Variants in DTNA observed in about 807,000 individuals in gnomAD.
The protein encoded by DTNA is dystrobrevin alpha.
DTNA carries 43 observed loss-of-function variants against 100.7 expected under a neutral mutation model. The observed-to-expected ratio is 0.43, with a 90% confidence interval of 0.33 to 0.55. The LOEUF (loss-of-function observed/expected upper bound fraction) is 0.55, where lower values mean the gene tolerates loss of function less well. DTNA is among the 20% of genes least tolerant of loss of function. The probability of loss-of-function intolerance (pLI) is 0.04; values close to 1 mark genes in which losing one functional copy is unlikely to be tolerated. For missense variants in DTNA, 798 were observed against 953.9 expected, an observed-to-expected ratio of 0.84 and a Z score of 2.15; for synonymous variants, 349 against 347.9, an observed-to-expected ratio of 1.00 and a Z score of -0.04.
At chr18:34,809,680 G>A (rs554189334) in intron 5 of DTNA, among the ~76,000 whole-genome samples, 1 of 152,254 alleles carries the variant, frequency 6.6e-6, no homozygotes, top group East Asian at 1.9e-4. Flanking sequence ...TATTTAGCTC[G>A]TTCCAGCTAC....
chr18:34,771,872 C>T lies in DTNA; in HGVS notation c.148+5831C>T, dbSNP rs111372647. Among the ~76,000 whole-genome samples, 1,130 of 152,068 alleles carry T rather than the reference C, an allele frequency of 7.4e-3. 11 individuals are homozygous for T. Among genetic ancestry groups the T allele is most frequent in the African/African-American group, 0.026 (1,078 of 41,504 alleles). ...GCATCATCTCAGCCTTTATTTTAGACAAATAGCTGTTTCTACCATAACATT... is the reference window on the plus strand; with the variant it reads ...GCATCATCTCAGCCTTTATTTTAGATAAATAGCTGTTTCTACCATAACATT... On this transcript the variant is annotated intron_variant, in intron 3 of 22. Transcript: ENST00000444659.
intron 5 of DTNA, among the ~76,000 whole-genome samples, chr18:34,808,679 G>A (rs115768761): frequency 0.12 from 18,691 of 151,930 alleles, 1,224 homozygotes; most frequent in African/African-American, 0.17. Context: ...TTCTCTCTTG[G>A]GCCCAGGAGT....
chr18:34,512,346 A>G (rs2439858), intron 1 of DTNA, among the ~76,000 whole-genome samples: 124,963 of 151,834 alleles, frequency 0.82, 52,568 homozygotes, highest in East Asian at 0.93. Flanking sequence ...ATCTCAGAAC[A>G]GCAGGTACAC....
At chr18:34,783,033 A>G (rs1038459062) in intron 3 of DTNA, among the ~76,000 whole-genome samples, 19 of 152,202 alleles carry the variant, frequency 1.2e-4, no homozygotes, top group African/African-American at 4.6e-4. Context: ...GAAATAAGAT[A>G]CAAGATTTTC....
intron 1 of DTNA, among the ~76,000 whole-genome samples, chr18:34,640,307 A>G (rs2059131367): frequency 6.6e-6 from 1 of 152,050 alleles, no homozygotes; most frequent in African/African-American, 2.4e-5. Context: ...CTTTTCCTCA[A>G]CACTCTCAGG....
intron 13 of DTNA, among the ~76,000 whole-genome samples, chr18:34,844,396 C>A (rs1055753588): frequency 1.3e-5 from 2 of 152,058 alleles, no homozygotes; most frequent in African/African-American, 4.8e-5. Flanking sequence ...AAAACCATTT[C>A]TCGGTCCCCA....
intron 9 of DTNA, among the ~76,000 whole-genome samples, chr18:34,824,345 G>C (rs767264287): frequency 7.9e-5 from 12 of 152,088 alleles, no homozygotes; most frequent in African/African-American, 9.7e-5. Context: ...GCGTGGTGGT[G>C]GGCGCCTGTA....
At chr18:34,519,210 T>A (rs2041942999) in intron 1 of DTNA, among the ~76,000 whole-genome samples, 1 of 152,182 alleles carries the variant, frequency 6.6e-6, no homozygotes, top group Non-Finnish European at 1.5e-5. Flanking sequence ...AGTAATTGTT[T>A]TCCGATATGA....
intron 1 of DTNA, among the ~76,000 whole-genome samples, chr18:34,581,973 C>G (rs571738293): frequency 6.6e-6 from 1 of 152,258 alleles, no homozygotes; most frequent in East Asian, 1.9e-4. Context: ...GAGGGACATA[C>G]AAACAATATG....
chr18:34,618,236 C>A (rs1450352377), intron 1 of DTNA, among the ~76,000 whole-genome samples: 1 of 152,070 alleles, frequency 6.6e-6, no homozygotes, highest in Non-Finnish European at 1.5e-5. Context: ...TCATGTCAAC[C>A]ATTTTTGACA....
Position 34,747,517 on chromosome 18 carries a change from C to T in DTNA, c.-1-8459C>T, listed in dbSNP as rs140005012. 2.6e-4 allele frequency among the ~76,000 whole-genome samples: 39 copies of T among 152,140 alleles called. No homozygotes were observed. The East Asian group carries it at 7.2e-3, about 28-fold the overall frequency. On this transcript the variant is annotated intron_variant, in intron 1 of 22. Coordinates refer to ENST00000444659, the MANE Select transcript of DTNA (RefSeq NM_001386795.1). Reference sequence around the variant, plus strand: ...CCTACCATCCTTCTCCTCTGAGTCCCCAAAGTCCATTATGTCGTTCTTATG... The same window carrying T: ...CCTACCATCCTTCTCCTCTGAGTCCTCAAAGTCCATTATGTCGTTCTTATG...
At chr18:34,842,025 T>C (rs1405407188) in intron 13 of DTNA, among the ~76,000 whole-genome samples, 1 of 152,186 alleles carries the variant, frequency 6.6e-6, no homozygotes, top group African/African-American at 2.4e-5. Flanking sequence ...AAAGCCTTAA[T>C]AATTTGTATG....
At chr18:34,656,851 T>C (rs1055180665) in intron 1 of DTNA, among the ~76,000 whole-genome samples, 5 of 152,152 alleles carry the variant, frequency 3.3e-5, no homozygotes, top group African/African-American at 1.2e-4. Flanking sequence ...TTTTACGTAA[T>C]CTTTTTATAT....
intron 13 of DTNA, among the ~76,000 whole-genome samples, chr18:34,840,975 C>G (rs1389986130): frequency 6.6e-6 from 1 of 152,034 alleles, no homozygotes; most frequent in Non-Finnish European, 1.5e-5. Context: ...CATTAAGTTA[C>G]AGTGAGACAT....
chr18:34,501,664 AG>A (rs2039941224), intron 1 of DTNA, among the ~76,000 whole-genome samples: 1 of 152,128 alleles, frequency 6.6e-6, no homozygotes, highest in South Asian at 2.1e-4. Flanking sequence ...TTAGTGTGCT[AG>A]GGCTGACATA....
intron 1 of DTNA, among the ~76,000 whole-genome samples, chr18:34,564,514 G>T (rs998075260): frequency 6.6e-6 from 1 of 152,112 alleles, no homozygotes; most frequent in African/African-American, 2.4e-5. Flanking sequence ...TTATTGTTGG[G>T]GAAAAAGAAA....
At chr18:34,496,827 C>T (rs2039293385) in intron 1 of DTNA, among the ~76,000 whole-genome samples, 1 of 152,160 alleles carries the variant, frequency 6.6e-6, no homozygotes. Flanking sequence ...AGGAATGACA[C>T]GTGAGAAGGT....
At chr18:34,862,648 A>C (rs1252951764) in intron 16 of DTNA, among the ~76,000 whole-genome samples, 1 of 151,994 alleles carries the variant, frequency 6.6e-6, no homozygotes, top group East Asian at 1.9e-4. Context: ...AAAGAAAAAA[A>C]GATTAGTCAG....
In DTNA at chr18:34,750,647, T is replaced by C. The variant is rs183327159; in HGVS notation, c.-1-5329T>C. On this transcript the variant is annotated intron_variant, in intron 1 of 22. Coordinates refer to ENST00000444659, the MANE Select transcript of DTNA (RefSeq NM_001386795.1). ...TAGGCAGCCACTTTACCTTCTTGAG[T>C]CTTAAGTTCCTTAGCTATAACTTGG... is the stretch of plus-strand genomic sequence containing the variant. Among the ~76,000 whole-genome samples, 339 of 152,322 alleles carry C rather than the reference T, an allele frequency of 2.2e-3. 4 individuals are homozygous for C. Among genetic ancestry groups the C allele is most frequent in the Non-Finnish European group, 2.2e-3 (147 of 68,032 alleles).
Sources: allele counts gnomAD v4.1 joint callset (sites outside exome capture counted in the v4.1 genomes callset), GRCh38; gene constraint gnomAD v4.1.1; transcripts MANE v1.5; gene names NCBI Gene and HGNC (gene_info 2026-07-23, HGNC 2026-07-21).